IQSEC1: variants seen among roughly 807,000 people sequenced by gnomAD.
The protein encoded by IQSEC1 is IQ motif and SEC7 domain-containing protein 1.
IQSEC1 carries 31 observed loss-of-function variants against 91.0 expected under a neutral mutation model. The observed-to-expected ratio is 0.34, with a 90% CI of 0.26 to 0.46. The LOEUF (loss-of-function observed/expected upper bound fraction) is 0.46, where lower values mean the gene tolerates loss of function less well. Ranked by LOEUF, IQSEC1 falls within the 20% of genes least tolerant of loss-of-function variation. IQSEC1 has a pLI of 1.00. For synonymous variants in IQSEC1, 699 were observed against 662.6 expected (o/e 1.05, Z -0.84); for missense variants, 1,388 against 1,575.6 (o/e 0.88, Z 2.02).
chr3:13,059,114 T>C (rs571243064), intron 1 of IQSEC1, among the ~76,000 whole-genome samples: 81 of 152,208 alleles, frequency 5.3e-4, no homozygotes, highest in African/African-American at 1.8e-3. Context: ...GTCCTGAGTC[T>C]GACCTCCTTC....
At chr3:13,118,233 T>G (rs991140871) in intron 2 of IQSEC1, among the ~76,000 whole-genome samples, 4 of 152,252 alleles carry the variant, frequency 2.6e-5, no homozygotes, top group Non-Finnish European at 4.4e-5. Context: ...AGTTATTATG[T>G]GTCCATTTAA....
chr3:13,260,059 G>A (rs1576313892), intron 1 of IQSEC1, among the ~76,000 whole-genome samples: 2 of 152,240 alleles, frequency 1.3e-5, no homozygotes, highest in African/African-American at 4.8e-5. Context: ...TCAGGAAGCA[G>A]CCTTGGCTCA....
chr3:13,246,191 G>A (rs913027897), intron 1 of IQSEC1, among the ~76,000 whole-genome samples: 6 of 152,216 alleles, frequency 3.9e-5, no homozygotes, highest in Non-Finnish European at 7.3e-5. Flanking sequence ...AAGGAAGAAG[G>A]TTCTGGGCCG....
chr3:13,071,156 T>TG (rs1705408042), intron 1 of IQSEC1, among the ~76,000 whole-genome samples: 1 of 119,678 alleles, frequency 8.4e-6, no homozygotes, highest in Non-Finnish European at 1.8e-5. Flanking sequence ...TTTTTTTGTT[T>TG]TTTTTTTTTT....
In IQSEC1 at chr3:12,900,708, G is replaced by A. The variant is rs1166658743; in HGVS notation, c.*275C>T. Reference sequence around the variant, plus strand: ...GGAGGCAGTTCAACACTACTTGGCTGGCTCACCGTTTCAAGGCTGATGGTG... The same window carrying A: ...GGAGGCAGTTCAACACTACTTGGCTAGCTCACCGTTTCAAGGCTGATGGTG... On this transcript the variant is annotated 3_prime_UTR_variant, in exon 14 of 14. Transcript: ENST00000613206. 51 of 1,382,912 alleles carry A rather than the reference G, an allele frequency of 3.7e-5. No homozygotes were observed. The highest frequency in any genetic ancestry group is 8.4e-6 in the Non-Finnish European group (9 of 1,068,858). The allele number at this position is 1,382,912 out of a possible 1,614,324, so 85.7% of individuals were successfully genotyped here. A position where few individuals can be genotyped will look rare whatever the true frequency, so the allele number is the denominator to read the frequency against.
intron 2 of IQSEC1, among the ~76,000 whole-genome samples, chr3:13,112,869 G>A (rs183438926): frequency 4.8e-4 from 73 of 152,386 alleles, no homozygotes; most frequent in Non-Finnish European, 8.7e-4. Flanking sequence ...GGTTCACGTC[G>A]TCACTGAGGC....
At chr3:13,223,447 C>T (rs1265985165) in intron 1 of IQSEC1, among the ~76,000 whole-genome samples, 2 of 152,208 alleles carry the variant, frequency 1.3e-5, no homozygotes, top group African/African-American at 4.8e-5. Flanking sequence ...CTTCTCCGCC[C>T]ACCCAGCAGA....
intron 1 of IQSEC1, among the ~76,000 whole-genome samples, chr3:13,270,012 T>C (rs948409487): frequency 2.6e-5 from 4 of 152,158 alleles, no homozygotes; most frequent in African/African-American, 9.7e-5. Flanking sequence ...GGCCACCAGA[T>C]TGGAGAAGCC....
At chr3:12,934,561 G>A (rs916590103) in intron 3 of IQSEC1, among the ~76,000 whole-genome samples, 6 of 151,966 alleles carry the variant, frequency 3.9e-5, no homozygotes, top group African/African-American at 1.2e-4. Context: ...TGTGTGTCAG[G>A]AACCACCAGC....
intron 1 of IQSEC1, among the ~76,000 whole-genome samples, chr3:13,038,946 G>A (rs1467892565): frequency 6.6e-6 from 1 of 152,254 alleles, no homozygotes; most frequent in Non-Finnish European, 1.5e-5. Context: ...CCAAACAAGA[G>A]GGACTGTTTA....
intron 1 of IQSEC1, among the ~76,000 whole-genome samples, chr3:13,196,988 G>A (rs139859827): frequency 3.3e-5 from 5 of 152,188 alleles, no homozygotes; most frequent in South Asian, 4.1e-4. Flanking sequence ...GGCAGGATGC[G>A]TAGGGAGAGT....
At chr3:12,968,417 T>C (rs2125530987) in intron 1 of IQSEC1, among the ~76,000 whole-genome samples, 1 of 151,940 alleles carries the variant, frequency 6.6e-6, no homozygotes, top group South Asian at 2.1e-4. Flanking sequence ...CTTAAAGTAA[T>C]ACTAATTAGC....
At chr3:12,913,705 G>A in intron 8 of IQSEC1, 152 bp from the exon 9 acceptor site, 3 of 639,772 alleles carry the variant, frequency 4.7e-6, no homozygotes, top group South Asian at 1.9e-5. Flanking sequence ...TTGAAGAGCA[G>A]ATACGTCTTT....
intron 1 of IQSEC1, among the ~76,000 whole-genome samples, chr3:13,025,734 G>C (rs1242561346): frequency 6.6e-6 from 1 of 152,200 alleles, no homozygotes; most frequent in Non-Finnish European, 1.5e-5. Flanking sequence ...CCCGCCTGGG[G>C]AACTGCAGGT....
rs114049007 is a variant in IQSEC1 at position 13,231,402 on chromosome 3, T to G, written c.272+51309A>C. 7.2e-3 allele frequency among the ~76,000 whole-genome samples: 1,093 copies of G among 152,296 alleles called. 14 individuals carry two copies. The highest frequency in any genetic ancestry group is 0.024 in the African/African-American group (1,013 of 41,548). On this transcript the variant is annotated intron_variant, in intron 1 of 15. Transcript: ENST00000648114. ...AATTTATTTCTCACAGGTTGGGAAGTCCAGATCAGGGTGCCACATAGCGGG... is the reference window on the plus strand; with the variant it reads ...AATTTATTTCTCACAGGTTGGGAAGGCCAGATCAGGGTGCCACATAGCGGG...
intron 12 of IQSEC1, among the ~76,000 whole-genome samples, chr3:12,903,954 G>A (rs1008093944): frequency 3.3e-5 from 5 of 152,190 alleles, no homozygotes; most frequent in South Asian, 2.1e-4. Context: ...TCACCCGACC[G>A]CCTCTAAGGC....
chr3:13,140,466 C>G (rs1379638373), intron 2 of IQSEC1, among the ~76,000 whole-genome samples: 2 of 152,230 alleles, frequency 1.3e-5, no homozygotes, highest in Non-Finnish European at 2.9e-5. Context: ...TGAACATAGG[C>G]CAGACCATCC....
intron 2 of IQSEC1, among the ~76,000 whole-genome samples, chr3:13,082,256 A>G (rs113461814): frequency 7.9e-5 from 12 of 152,212 alleles, no homozygotes; most frequent in African/African-American, 2.9e-4. Context: ...GGTGCTAATC[A>G]CAGCAAATGG....
At chr3:13,025,339 C>T (rs1021447507) in intron 1 of IQSEC1, among the ~76,000 whole-genome samples, 3 of 152,252 alleles carry the variant, frequency 2.0e-5, no homozygotes, top group Non-Finnish European at 4.4e-5. Flanking sequence ...GAAGTCACTG[C>T]CGCCCAGGCA....
Sources: gnomAD v4.1 joint callset for allele counts (sites outside exome capture counted in the v4.1 genomes callset) on GRCh38, gnomAD v4.1.1 for gene constraint, MANE v1.5 for transcripts, NCBI Gene and HGNC (gene_info 2026-07-23, HGNC 2026-07-21) for gene names.